Variants in MEMO1 observed in about 807,000 individuals in gnomAD.
The protein encoded by MEMO1 is mediator of cell motility 1, also known as protein MEMO1.
A neutral mutation model predicts 45.2 loss-of-function variants in MEMO1; 6 were observed. That is an observed-to-expected ratio of 0.13 (90% CI 0.07 to 0.26). The LOEUF (loss-of-function observed/expected upper bound fraction) is 0.26, where lower values mean the gene tolerates loss of function less well. Among genes scored for constraint, MEMO1 ranks in the 10% least tolerant of loss-of-function variants. The probability of loss-of-function intolerance (pLI) is 1.00; values close to 1 mark genes in which losing one functional copy is unlikely to be tolerated. For missense variants in MEMO1, 184 were observed against 370.5 expected (o/e 0.50, Z 4.13); for synonymous variants, 78 against 124.3 (o/e 0.63, Z 2.48).
At chr2:31,944,032 T>C (rs1477695114) in intron 2 of MEMO1, among the ~76,000 whole-genome samples, 1 of 152,138 alleles carries the variant, frequency 6.6e-6, no homozygotes, top group Admixed American at 6.6e-5. Flanking sequence ...GACTCAAAAA[T>C]CCATCATCAC....
At chr2:31,969,426 T>A (rs202069594) in intron 2 of MEMO1, among the ~76,000 whole-genome samples, 1 of 50,478 alleles carries the variant, frequency 2.0e-5, no homozygotes, top group Admixed American at 2.4e-4. Context: ...TATATATACA[T>A]ATATGTGTGT....
chr2:31,922,180 T>C (rs1220435830), intron 4 of MEMO1, among the ~76,000 whole-genome samples: 1 of 152,142 alleles, frequency 6.6e-6, no homozygotes, highest in East Asian at 1.9e-4. Context: ...GAGCTAGTTC[T>C]TTTCTGTCAA....
At chr2:31,919,958 G>A (rs1682037532) in intron 5 of MEMO1, among the ~76,000 whole-genome samples, 1 of 151,264 alleles carries the variant, frequency 6.6e-6, no homozygotes, top group African/African-American at 2.4e-5. Flanking sequence ...ACGTGTGTGT[G>A]TGTGTGTGTG....
chr2:31,992,425 T>G (rs1672055918), intron 2 of MEMO1, among the ~76,000 whole-genome samples: 1 of 152,080 alleles, frequency 6.6e-6, no homozygotes. Flanking sequence ...TAAACAAAAG[T>G]GGGTTCATAT....
chr2:31,901,956 C>T (rs67780569), intron 6 of MEMO1, among the ~76,000 whole-genome samples: 18,243 of 151,292 alleles, frequency 0.12, 1,168 homozygotes, highest in Middle Eastern at 0.19. Context: ...ATTTACACAA[C>T]TCTGTAGATT....
chr2:31,978,936 A>G (rs1430322069), intron 2 of MEMO1, among the ~76,000 whole-genome samples: 1 of 152,106 alleles, frequency 6.6e-6, no homozygotes, highest in East Asian at 1.9e-4. Context: ...CCCAGATTTT[A>G]CCATTCTATG....
intron 4 of MEMO1, among the ~76,000 whole-genome samples, chr2:31,926,293 G>A (rs1683099880): frequency 6.6e-6 from 1 of 151,118 alleles, no homozygotes; most frequent in Non-Finnish European, 1.5e-5. Flanking sequence ...GATCACTTGA[G>A]CCTGGGAATT....
chr2:31,883,739 G>A (rs1305264292), intron 7 of MEMO1, among the ~76,000 whole-genome samples: 1 of 151,998 alleles, frequency 6.6e-6, no homozygotes, highest in Non-Finnish European at 1.5e-5. Flanking sequence ...AAACAAAATA[G>A]CTTAAAAGTT....
intron 6 of MEMO1, among the ~76,000 whole-genome samples, chr2:31,917,387 T>C (rs1015770680): frequency 6.6e-6 from 1 of 152,148 alleles, no homozygotes. Flanking sequence ...GGGTATACAG[T>C]AGAGAACAAA....
At chr2:31,908,202 A>C (rs897253253) in intron 6 of MEMO1, among the ~76,000 whole-genome samples, 3 of 152,090 alleles carry the variant, frequency 2.0e-5, no homozygotes, top group Non-Finnish European at 4.4e-5. Flanking sequence ...AACATTCTTG[A>C]CCCTTGACCC....
At chr2:31,913,660 T>C (rs1190233477) in intron 6 of MEMO1, among the ~76,000 whole-genome samples, 1 of 152,140 alleles carries the variant, frequency 6.6e-6, no homozygotes, top group Non-Finnish European at 1.5e-5. Flanking sequence ...AATCAATTAC[T>C]GAAATCTTTT....
At chr2:31,973,496 A>G (rs1669646685) in intron 2 of MEMO1, among the ~76,000 whole-genome samples, 1 of 152,142 alleles carries the variant, frequency 6.6e-6, no homozygotes, top group African/African-American at 2.4e-5. Flanking sequence ...GTATTTAAAC[A>G]GAGATACTTG....
At chr2:31,884,829 T>A (rs1341075469) in intron 7 of MEMO1, among the ~76,000 whole-genome samples, 1 of 152,190 alleles carries the variant, frequency 6.6e-6, no homozygotes, top group Admixed American at 6.5e-5. Flanking sequence ...ACTGATGATA[T>A]CCTAGAATTG....
intron 2 of MEMO1, among the ~76,000 whole-genome samples, chr2:31,987,919 T>C (rs1009003992): frequency 1.2e-4 from 19 of 152,216 alleles, no homozygotes; most frequent in Admixed American, 2.6e-4. Flanking sequence ...AAAAATAAAA[T>C]CACCTGTAAT....
chr2:31,936,033 G>A (rs894845967), intron 3 of MEMO1, among the ~76,000 whole-genome samples: 3 of 151,648 alleles, frequency 2.0e-5, no homozygotes, highest in Admixed American at 1.3e-4. Context: ...GCCACATCTC[G>A]GCTCACTGCA....
At chr2:31,882,199 G>A (rs1675499100) in intron 8 of MEMO1, among the ~76,000 whole-genome samples, 1 of 151,960 alleles carries the variant, frequency 6.6e-6, no homozygotes, top group Non-Finnish European at 1.5e-5. Context: ...TGTGCCTATA[G>A]TCCCAGCTAC....
chr2:31,930,578 C>T (rs1050579616), intron 4 of MEMO1, among the ~76,000 whole-genome samples: 1 of 152,020 alleles, frequency 6.6e-6, no homozygotes, highest in African/African-American at 2.4e-5. Context: ...AAAGAAAAGG[C>T]TGTTATATAA....
At chr2:31,954,162 T>G (rs1474334698) in intron 2 of MEMO1, among the ~76,000 whole-genome samples, 1 of 152,166 alleles carries the variant, frequency 6.6e-6, no homozygotes, top group Non-Finnish European at 1.5e-5. Flanking sequence ...ACAAACCAAT[T>G]TCAACACCAA....
intron 4 of MEMO1, among the ~76,000 whole-genome samples, chr2:31,922,780 T>C (rs1019445355): frequency 6.6e-6 from 1 of 152,080 alleles, no homozygotes; most frequent in African/African-American, 2.4e-5. Flanking sequence ...TCTAGCTCAA[T>C]GTTGCTGCAA....
Sources: allele counts gnomAD v4.1 joint callset (sites outside exome capture counted in the v4.1 genomes callset), GRCh38; gene constraint gnomAD v4.1.1; transcripts MANE v1.5; gene names NCBI Gene and HGNC (gene_info 2026-07-23, HGNC 2026-07-21).